ANGPT1: variants seen among roughly 807,000 people sequenced by gnomAD.
ANGPT1 encodes angiopoietin 1.
A neutral mutation model predicts 62.2 loss-of-function variants in ANGPT1; 17 were observed. That is an observed-to-expected ratio of 0.27 (90% CI 0.19 to 0.41). The LOEUF (loss-of-function observed/expected upper bound fraction) is 0.41. ANGPT1 is among the 10% of genes least tolerant of loss of function. The pLI is 1.00. For synonymous variants in ANGPT1, 199 were observed against 198.9 expected (o/e 1.00, Z 0.00); for missense variants, 478 against 594.9 (o/e 0.80, Z 2.04).
chr8:107,480,751 G>A (rs1200185697), intron 1 of ANGPT1, among the ~76,000 whole-genome samples: 1 of 152,134 alleles, frequency 6.6e-6, no homozygotes, highest in Non-Finnish European at 1.5e-5. Flanking sequence ...ATAGACAAGA[G>A]CAGAGTTTTC....
intron 1 of ANGPT1, among the ~76,000 whole-genome samples, chr8:107,351,868 C>T (rs760408953): frequency 1.3e-5 from 2 of 152,070 alleles, no homozygotes; most frequent in Non-Finnish European, 2.9e-5. Context: ...AACAATAATA[C>T]ACAAAGCCTC....
chr8:107,277,612 C>T (rs1813895902), intron 7 of ANGPT1, among the ~76,000 whole-genome samples: 1 of 152,078 alleles, frequency 6.6e-6, no homozygotes, highest in Non-Finnish European at 1.5e-5. Flanking sequence ...AAAAACAAAA[C>T]CTTAACAAGT....
intron 4 of ANGPT1, 145 bp from the exon 5 acceptor site, chr8:107,303,512 A>T (rs1250908034): frequency 3.2e-6 from 2 of 615,696 alleles, no homozygotes; most frequent in African/African-American, 3.8e-5. Context: ...CATAAAGACA[A>T]TACTAGATTT....
At chr8:107,330,821 A>C (rs762169024) in intron 3 of ANGPT1, among the ~76,000 whole-genome samples, 62 of 152,132 alleles carry the variant, frequency 4.1e-4, no homozygotes, top group Admixed American at 1.2e-3. Flanking sequence ...GATGAGCCTT[A>C]GATTTCCAAT....
In ANGPT1 at chr8:107,366,179, A is replaced by G. The variant is rs556235125; in HGVS notation, c.298-19082T>C. Among the ~76,000 whole-genome samples, 10 of 152,328 alleles carry G rather than the reference A, an allele frequency of 6.6e-5. No homozygotes were observed. The South Asian group carries it at 2.1e-3, about 32-fold the overall frequency. On this transcript the variant is annotated intron_variant, in intron 1 of 8. Transcript: ENST00000517746. ...ATGTGCTAAATAGTTTGCTCACATCATAGCATTTAGTCCTCAAACCAACCA... is the reference window on the plus strand; with the variant it reads ...ATGTGCTAAATAGTTTGCTCACATCGTAGCATTTAGTCCTCAAACCAACCA...
At chr8:107,315,693 T>C (rs1814997680) in intron 4 of ANGPT1, among the ~76,000 whole-genome samples, 1 of 152,154 alleles carries the variant, frequency 6.6e-6, no homozygotes, top group African/African-American at 2.4e-5. Flanking sequence ...GTCTTTGATT[T>C]TACACTGTCA....
intron 1 of ANGPT1, among the ~76,000 whole-genome samples, chr8:107,469,424 G>A (rs2130493992): frequency 6.6e-6 from 1 of 152,066 alleles, no homozygotes; most frequent in South Asian, 2.1e-4. Flanking sequence ...TTACCACAAT[G>A]CTTGGGGGGT....
chr8:107,478,999 C>CAG (rs1406273121), intron 1 of ANGPT1, among the ~76,000 whole-genome samples: 1 of 152,074 alleles, frequency 6.6e-6, no homozygotes, highest in Non-Finnish European at 1.5e-5. Context: ...TTAACAGTTG[C>CAG]AGTCATGGGG....
chr8:107,274,311 G>C (rs1193193020), intron 7 of ANGPT1, among the ~76,000 whole-genome samples: 1 of 152,120 alleles, frequency 6.6e-6, no homozygotes, highest in Non-Finnish European at 1.5e-5. Context: ...GTGTATGGTG[G>C]TTGGCTGGCT....
intron 1 of ANGPT1, among the ~76,000 whole-genome samples, chr8:107,416,682 C>T (rs1307552943): frequency 1.3e-5 from 2 of 152,146 alleles, no homozygotes. Context: ...CCAGCAAGAC[C>T]TATCTGTTGA....
chr8:107,320,765 T>C (rs1815131541), intron 4 of ANGPT1, among the ~76,000 whole-genome samples: 1 of 152,152 alleles, frequency 6.6e-6, no homozygotes, highest in Non-Finnish European at 1.5e-5. Flanking sequence ...TGGAGTGTAA[T>C]AGAGAAATAT....
intron 1 of ANGPT1, among the ~76,000 whole-genome samples, chr8:107,418,067 G>A (rs1199919712): frequency 6.6e-6 from 1 of 152,102 alleles, no homozygotes; most frequent in Non-Finnish European, 1.5e-5. Context: ...GCCTCTTCAA[G>A]AGACTAAAGC....
intron 5 of ANGPT1, among the ~76,000 whole-genome samples, chr8:107,296,229 G>C (rs1404524967): frequency 6.6e-6 from 1 of 152,084 alleles, no homozygotes; most frequent in Non-Finnish European, 1.5e-5. Flanking sequence ...GTGAACACCT[G>C]AGAAGGACAG....
At chr8:107,330,408 T>C (rs931788774) in intron 3 of ANGPT1, among the ~76,000 whole-genome samples, 12 of 152,164 alleles carry the variant, frequency 7.9e-5, no homozygotes, top group African/African-American at 2.7e-4. Context: ...CTCTTAACTA[T>C]TAGCGTGTAT....
intron 5 of ANGPT1, among the ~76,000 whole-genome samples, chr8:107,299,973 TTATATCTAGATATCTAGATATAACTA>T (rs957095969): frequency 6.7e-5 from 9 of 134,496 alleles, no homozygotes; most frequent in African/African-American, 2.3e-4. Flanking sequence ...TATATACTAG[TTATATCTAGATATCTAGATATAACTA>T]TATATCTAGA....
chr8:107,300,797 A>G (rs1407429130), intron 5 of ANGPT1, among the ~76,000 whole-genome samples: 1 of 151,964 alleles, frequency 6.6e-6, no homozygotes, highest in African/African-American at 2.4e-5. Flanking sequence ...GAAAACCCAA[A>G]AACTCCATCA....
intron 7 of ANGPT1, among the ~76,000 whole-genome samples, chr8:107,278,664 C>G (rs539367908): frequency 6.6e-6 from 1 of 152,254 alleles, no homozygotes; most frequent in East Asian, 1.9e-4. Context: ...ATGGTGAAGT[C>G]CAGGGGCAGA....
chr8:107,384,211 G>A (rs980949693), intron 1 of ANGPT1, among the ~76,000 whole-genome samples: 1 of 152,032 alleles, frequency 6.6e-6, no homozygotes. Flanking sequence ...GTTGTCTGGG[G>A]AGTGCTTAAA....
chr8:107,268,712 A>G (rs895819315), intron 7 of ANGPT1, among the ~76,000 whole-genome samples: 4 of 152,146 alleles, frequency 2.6e-5, no homozygotes, highest in Non-Finnish European at 5.9e-5. Context: ...ATTTTTTAAA[A>G]AAGAAATATT....
Sources: allele counts gnomAD v4.1 joint callset (sites outside exome capture counted in the v4.1 genomes callset), GRCh38; gene constraint gnomAD v4.1.1; transcripts MANE v1.5; gene names NCBI Gene and HGNC (gene_info 2026-07-23, HGNC 2026-07-21).